The following CPNE4 variants were observed in gnomAD, a reference collection of about 807,000 sequenced individuals.
The protein encoded by CPNE4 is copine 4, also known as copine-4.
CPNE4 carries 25 observed loss-of-function variants against 67.9 expected under a neutral mutation model. That is an observed-to-expected ratio of 0.37 (90% CI 0.27 to 0.51). The LOEUF (loss-of-function observed/expected upper bound fraction) is 0.51. CPNE4 is among the 20% of genes least tolerant of loss of function. The pLI is 0.93. For missense variants in CPNE4, 464 were observed against 690.8 expected, an observed-to-expected ratio of 0.67 and a Z score of 3.68; for synonymous variants, 242 against 244.9, an observed-to-expected ratio of 0.99 and a Z score of 0.11.
chr3:131,678,872 A>G (rs2080655654), intron 6 of CPNE4, among the ~76,000 whole-genome samples: 2 of 152,144 alleles, frequency 1.3e-5, no homozygotes, highest in Admixed American at 6.5e-5. Context: ...TTCATCAAGG[A>G]TATTACGCTG....
intron 3 of CPNE4, among the ~76,000 whole-genome samples, chr3:131,722,118 C>A (rs572204170): frequency 6.6e-6 from 1 of 152,258 alleles, no homozygotes; most frequent in South Asian, 2.1e-4. Flanking sequence ...GGAGAAATTT[C>A]TTTTAGTGAT....
intron 3 of CPNE4, among the ~76,000 whole-genome samples, chr3:131,703,999 C>T (rs546598084): frequency 3.9e-5 from 6 of 152,302 alleles, no homozygotes; most frequent in South Asian, 2.1e-4. Flanking sequence ...ATTTCAACTA[C>T]AGGACTTCAA....
At chr3:131,799,500 T>C (rs774178458) in intron 2 of CPNE4, among the ~76,000 whole-genome samples, 1 of 152,160 alleles carries the variant, frequency 6.6e-6, no homozygotes, top group African/African-American at 2.4e-5. Flanking sequence ...TCTGGTGTTG[T>C]GTTTTGTCTT....
intron 10 of CPNE4, among the ~76,000 whole-genome samples, chr3:131,570,307 TTTTATTTA>T (rs3033368): frequency 0.011 from 1,608 of 149,910 alleles, 33 homozygotes; most frequent in African/African-American, 0.037. Context: ...CATTTTCTCT[TTTTATTTA>T]TTTATTTATT....
chr3:131,960,374 G>A (rs1021146413), intron 1 of CPNE4, among the ~76,000 whole-genome samples: 7 of 152,062 alleles, frequency 4.6e-5, no homozygotes, highest in African/African-American at 1.7e-4. Flanking sequence ...CAAAACTTTA[G>A]AGATAGATGG....
At chr3:131,790,235 C>T (rs1368636596) in intron 2 of CPNE4, among the ~76,000 whole-genome samples, 1 of 152,116 alleles carries the variant, frequency 6.6e-6, no homozygotes, top group Non-Finnish European at 1.5e-5. Flanking sequence ...GTTGGTTTGA[C>T]CTTTAATGAA....
chr3:131,796,927 A>G (rs1226633491), intron 2 of CPNE4, among the ~76,000 whole-genome samples: 2 of 152,234 alleles, frequency 1.3e-5, no homozygotes, highest in African/African-American at 4.8e-5. Flanking sequence ...AAAAGTAACA[A>G]TGCTTTGCCT....
At chr3:132,003,198 T>C (rs1259017672) in intron 1 of CPNE4, among the ~76,000 whole-genome samples, 3 of 152,142 alleles carry the variant, frequency 2.0e-5, no homozygotes, top group African/African-American at 7.2e-5. Flanking sequence ...ACTACATTCA[T>C]ATGCATGTGA....
chr3:131,838,660 C>T (rs1471074002), intron 2 of CPNE4, among the ~76,000 whole-genome samples: 2 of 151,522 alleles, frequency 1.3e-5, no homozygotes, highest in Admixed American at 6.6e-5. Flanking sequence ...ATATAAGAAT[C>T]TCATAGAACT....
At chr3:131,644,941 A>G (rs897743559) in intron 7 of CPNE4, among the ~76,000 whole-genome samples, 6 of 152,226 alleles carry the variant, frequency 3.9e-5, no homozygotes, top group African/African-American at 1.4e-4. Flanking sequence ...ATTTTCAGAT[A>G]AGGAAGAGGA....
At chr3:131,609,779 T>C (rs1284736196) in intron 7 of CPNE4, among the ~76,000 whole-genome samples, 1 of 152,168 alleles carries the variant, frequency 6.6e-6, no homozygotes, top group Non-Finnish European at 1.5e-5. Context: ...TAGGAATTAA[T>C]ATAAACATTA....
chr3:131,626,161 C>T (rs1004287008), intron 7 of CPNE4, among the ~76,000 whole-genome samples: 2 of 152,176 alleles, frequency 1.3e-5, no homozygotes, highest in East Asian at 1.9e-4. Flanking sequence ...TGAAATTAGG[C>T]CAATATTGTT....
chr3:131,545,139 A>G (rs946567127), intron 14 of CPNE4, among the ~76,000 whole-genome samples: 3 of 152,254 alleles, frequency 2.0e-5, no homozygotes, highest in Admixed American at 6.5e-5. Context: ...AATATTTAAA[A>G]TGAATATGAG....
intron 2 of CPNE4, among the ~76,000 whole-genome samples, chr3:131,781,088 G>T (rs541978567): frequency 6.6e-6 from 1 of 151,456 alleles, no homozygotes; most frequent in South Asian, 2.1e-4. Context: ...TGAGGTGGCT[G>T]TGACAAAAAA....
intron 1 of CPNE4, among the ~76,000 whole-genome samples, chr3:132,022,842 A>G (rs2107691233): frequency 6.6e-6 from 1 of 152,350 alleles, no homozygotes; most frequent in Non-Finnish European, 1.5e-5. Flanking sequence ...AGGATCTGCT[A>G]CATCCATATA....
At chr3:131,982,325 G>A (rs2072928619) in intron 1 of CPNE4, among the ~76,000 whole-genome samples, 3 of 152,090 alleles carry the variant, frequency 2.0e-5, no homozygotes, top group Admixed American at 2.0e-4. Context: ...AAATACATTT[G>A]TCATGAAATA....
chr3:131,677,436 T>A (rs1287742864), intron 6 of CPNE4, among the ~76,000 whole-genome samples: 3 of 152,206 alleles, frequency 2.0e-5, no homozygotes, highest in African/African-American at 7.2e-5. Flanking sequence ...TTTAGTTTAA[T>A]TAGATCCCAT....
chr3:131,547,455 C>CAAAAAAAAAAAAAAAAAAAAA lies in CPNE4; in HGVS notation c.1302+2471_1302+2491dup, dbSNP rs56412825. On this transcript the variant is annotated intron_variant, in intron 14 of 15. Transcript: ENST00000429747. ...TGGGTGATAGACCAAGACCCTGTCG[C>CAAAAAAAAAAAAAAAAAAAAA]AAAAAAAAAAAAAAAAAAAAAAAAA... Among the ~76,000 whole-genome samples, 7 of 36,544 alleles carry CAAAAAAAAAAAAAAAAAAAAA rather than the reference C, an allele frequency of 1.9e-4. 3 individuals are homozygous for CAAAAAAAAAAAAAAAAAAAAA. Among genetic ancestry groups the CAAAAAAAAAAAAAAAAAAAAA allele is most frequent in the Non-Finnish European group, 3.4e-4 (6 of 17,698 alleles). The allele number at this position is 36,544 out of a possible 152,430, so 24.0% of individuals were successfully genotyped here. A position where few individuals can be genotyped will look rare whatever the true frequency, so the allele number is the denominator to read the frequency against.
At chr3:131,695,341 A>G (rs934264384) in intron 5 of CPNE4, among the ~76,000 whole-genome samples, 18 of 152,196 alleles carry the variant, frequency 1.2e-4, no homozygotes, top group Non-Finnish European at 2.5e-4. Context: ...GGCTCTTTCA[A>G]TTCTATGAGC....
Sources: gnomAD v4.1 joint callset for allele counts (sites outside exome capture counted in the v4.1 genomes callset) on GRCh38, gnomAD v4.1.1 for gene constraint, MANE v1.5 for transcripts, NCBI Gene and HGNC (gene_info 2026-07-23, HGNC 2026-07-21) for gene names.